GALNTL6: variants seen among roughly 807,000 people sequenced by gnomAD.
GALNTL6 encodes the protein polypeptide N-acetylgalactosaminyltransferase like 6.
A neutral mutation model predicts 73.7 loss-of-function variants in GALNTL6; 46 were observed. The observed-to-expected ratio is 0.62, with a 90% CI of 0.49 to 0.80. The LOEUF is 0.80. Ranked by LOEUF, GALNTL6 falls within the 30% of genes least tolerant of loss-of-function variation. GALNTL6 has a pLI of 0.00. For missense variants in GALNTL6, 604 were observed against 755.0 expected (o/e 0.80, Z 2.34); for synonymous variants, 259 against 263.7 (o/e 0.98, Z 0.17).
intron 2 of GALNTL6, among the ~76,000 whole-genome samples, chr4:172,111,291 C>A (rs1430099657): frequency 6.6e-6 from 1 of 152,004 alleles, no homozygotes. Flanking sequence ...TTTATACTAT[C>A]AAAGATGGAG....
At chr4:171,825,957 A>G (rs1734814379) in intron 2 of GALNTL6, among the ~76,000 whole-genome samples, 1 of 152,148 alleles carries the variant, frequency 6.6e-6, no homozygotes, top group Non-Finnish European at 1.5e-5. Context: ...GTTTGTCTGT[A>G]ATGCTGGGAC....
intron 4 of GALNTL6, among the ~76,000 whole-genome samples, chr4:172,341,645 G>A (rs1003841625): frequency 4.6e-5 from 7 of 152,014 alleles, no homozygotes; most frequent in African/African-American, 7.3e-5. Context: ...TGGGTATCAC[G>A]AGATCTAATG....
At chr4:172,387,030 T>G (rs751579780) in intron 5 of GALNTL6, among the ~76,000 whole-genome samples, 6 of 152,132 alleles carry the variant, frequency 3.9e-5, no homozygotes, top group Non-Finnish European at 7.4e-5. Flanking sequence ...CAGCTATCTG[T>G]GTATACTTCA....
intron 2 of GALNTL6, among the ~76,000 whole-genome samples, chr4:172,036,230 G>A (rs1741927527): frequency 6.6e-6 from 1 of 151,978 alleles, no homozygotes; most frequent in African/African-American, 2.4e-5. Context: ...AAAAAATGCA[G>A]GCTATTTCTT....
intron 2 of GALNTL6, among the ~76,000 whole-genome samples, chr4:172,191,043 A>C (rs984358862): frequency 6.6e-6 from 1 of 152,068 alleles, no homozygotes; most frequent in African/African-American, 2.4e-5. Flanking sequence ...CTCCCACCCT[A>C]TGTGTTGATG....
intron 2 of GALNTL6, among the ~76,000 whole-genome samples, chr4:171,986,037 CAAAAAAAAA>C (rs10686994): frequency 6.1e-5 from 5 of 82,126 alleles, no homozygotes; most frequent in East Asian, 8.6e-4. Flanking sequence ...GACTCTGTCT[CAAAAAAAAA>C]AAAAAAAAAA....
intron 2 of GALNTL6, among the ~76,000 whole-genome samples, chr4:171,879,297 C>T (rs1188760927): frequency 6.6e-6 from 1 of 152,016 alleles, no homozygotes; most frequent in African/African-American, 2.4e-5. Context: ...AAAAAGTTTA[C>T]CCCAAATGAC....
intron 5 of GALNTL6, among the ~76,000 whole-genome samples, chr4:172,444,720 A>G (rs571927074): frequency 6.6e-6 from 1 of 152,304 alleles, no homozygotes; most frequent in South Asian, 2.1e-4. Context: ...TATTCCATAG[A>G]GTTTTCCAGT....
chr4:172,449,115 C>CT (rs1732124695), intron 5 of GALNTL6, among the ~76,000 whole-genome samples: 1 of 152,122 alleles, frequency 6.6e-6, no homozygotes, highest in Admixed American at 6.6e-5. Context: ...ATTTGGGCTT[C>CT]TTTTTTACAA....
intron 2 of GALNTL6, among the ~76,000 whole-genome samples, chr4:171,862,001 A>G (rs1735840955): frequency 6.6e-6 from 1 of 152,110 alleles, no homozygotes; most frequent in Non-Finnish European, 1.5e-5. Flanking sequence ...ATGGTCTTAT[A>G]TGGAAGGTGG....
chr4:172,647,420 T>C (rs1257484528), intron 5 of GALNTL6, among the ~76,000 whole-genome samples: 1 of 152,102 alleles, frequency 6.6e-6, no homozygotes, highest in Non-Finnish European at 1.5e-5. Context: ...CTTCAATGTA[T>C]TGCTGAAAGG....
At chr4:172,237,962 A>G (rs1264108034) in intron 3 of GALNTL6, among the ~76,000 whole-genome samples, 1 of 152,056 alleles carries the variant, frequency 6.6e-6, no homozygotes, top group Non-Finnish European at 1.5e-5. Flanking sequence ...ATTTTGTACT[A>G]CTACCATGCT....
At chr4:172,784,416 C>A (rs2110907935) in intron 5 of GALNTL6, among the ~76,000 whole-genome samples, 1 of 152,216 alleles carries the variant, frequency 6.6e-6, no homozygotes, top group South Asian at 2.1e-4. Context: ...GTGAGCACCA[C>A]AATAGCAGTT....
intron 2 of GALNTL6, among the ~76,000 whole-genome samples, chr4:171,894,342 G>A (rs1215394123): frequency 2.0e-5 from 3 of 152,126 alleles, no homozygotes; most frequent in Admixed American, 6.5e-5. Flanking sequence ...TGGGAATAAG[G>A]TGAGGGATAG....
intron 9 of GALNTL6, among the ~76,000 whole-genome samples, chr4:172,935,732 G>A (rs781712453): frequency 1.3e-5 from 2 of 152,130 alleles, no homozygotes; most frequent in Non-Finnish European, 2.9e-5. Context: ...TCTAAACCAG[G>A]AAGAAGTCAA....
At chr4:172,027,970 G>T (rs1741641384) in intron 2 of GALNTL6, among the ~76,000 whole-genome samples, 1 of 152,110 alleles carries the variant, frequency 6.6e-6, no homozygotes, top group South Asian at 2.1e-4. Flanking sequence ...TAACAGAAAA[G>T]TGCAAAGTAT....
rs191101497 is a variant in GALNTL6, at chr4:171,983,165, C to A, written c.138+168447C>A. Among the ~76,000 whole-genome samples, 29 of 152,298 alleles carry A rather than the reference C, an allele frequency of 1.9e-4. No individual in the cohort carries two copies. The East Asian group carries it at 4.0e-3, about 21-fold the overall frequency. ...CGTATAGTTTTAGGCCTGCCTTAGT[C>A]ACGTTTTGGTGTACGGTGTACAAAT... On this transcript the variant is annotated intron_variant, in intron 2 of 12. Coordinates refer to ENST00000506823, the MANE Select transcript of GALNTL6 (RefSeq NM_001034845.3).
intron 6 of GALNTL6, among the ~76,000 whole-genome samples, chr4:172,813,224 G>A (rs1283551962): frequency 3.3e-5 from 5 of 152,154 alleles, no homozygotes; most frequent in South Asian, 2.1e-4. Flanking sequence ...GCACATGTTC[G>A]ATTCACGATA....
At chr4:172,663,340 C>T (rs112278929) in intron 5 of GALNTL6, among the ~76,000 whole-genome samples, 4 of 152,276 alleles carry the variant, frequency 2.6e-5, no homozygotes, top group South Asian at 2.1e-4. Context: ...GAAATGCAAT[C>T]GGACTACCAG....
Sources: allele counts gnomAD v4.1 joint callset (sites outside exome capture counted in the v4.1 genomes callset), GRCh38; gene constraint gnomAD v4.1.1; transcripts MANE v1.5; gene names NCBI Gene and HGNC (gene_info 2026-07-23, HGNC 2026-07-21).